PLOD3: variants seen among roughly 807,000 people sequenced by gnomAD.
The protein encoded by PLOD3 is multifunctional procollagen lysine hydroxylase and glycosyltransferase LH3.
A neutral mutation model predicts 96.9 loss-of-function variants in PLOD3; 73 were observed. That is an observed-to-expected ratio of 0.75 (90% confidence interval 0.62 to 0.92). The LOEUF is 0.92. PLOD3 is among the 40% of genes least tolerant of loss of function. The pLI is 0.00. For missense variants in PLOD3, 1,004 were observed against 1,004.3 expected (o/e 1.00, Z 0.00); for synonymous variants, 454 against 413.7 (o/e 1.10, Z -1.18).
intron 16 of PLOD3, 128 bp from the exon 17 acceptor site, chr7:101,207,852 T>G (rs1265236545): frequency 9.8e-7 from 1 of 1,024,804 alleles, no homozygotes; most frequent in Non-Finnish European, 1.5e-6. Context: ...AACAGTCTTC[T>G]TTGCTACTTC....
At chr7:101,208,316 G>A (rs1489557347) in intron 16 of PLOD3, among the ~76,000 whole-genome samples, 1 of 151,962 alleles carries the variant, frequency 6.6e-6, no homozygotes, top group Non-Finnish European at 1.5e-5. Flanking sequence ...TTCAATCTTG[G>A]CTCACTGCAA....
chr7:101,211,642 T>C lies in PLOD3; in HGVS notation c.1307A>G (p.Glu436Gly), dbSNP rs780270243. Residue 436 changes from glutamate to glycine, a missense_variant, in exon 12 of 19, where the codon GAG becomes GGG. Coordinates refer to ENST00000223127, the MANE Select transcript of PLOD3 (RefSeq NM_001084.5). ...SNFWGALSPDEYYARSEDYVE... is the reference protein window; with the variant it reads ...SNFWGALSPDGYYARSEDYVE... ...GTAGTCCTCGGAGCGGGCGTAGTAC[T>C]CATCGGGGCTCAGGGCGCCCCAGAA... The C allele has an allele frequency of 6.2e-7, 1 of 1,606,878 alleles. No homozygotes were observed. Among genetic ancestry groups the C allele is most frequent in the Non-Finnish European group, 8.5e-7 (1 of 1,177,398 alleles).
At chr7:101,212,814 G>T in intron 8 of PLOD3, 28 bp downstream of exon 8, 1 of 1,582,482 alleles carries the variant, frequency 6.3e-7, no homozygotes, top group South Asian at 1.1e-5. Flanking sequence ...CTGCCCTCTC[G>T]TGCCCCTCCC....
chr7:101,212,904 A>C lies in PLOD3; in HGVS notation c.817T>G (p.Trp273Gly), dbSNP rs1188048097. 10 of 1,613,708 alleles carry C rather than the reference A, an allele frequency of 6.2e-6. No individual in the cohort carries two copies. Among genetic ancestry groups the C allele is most frequent in the Admixed American group, 3.3e-5 (2 of 59,964 alleles). The stretch of plus-strand genomic sequence containing the variant: ...AAGCCACAGCCTCCCTCAGGAGTCC[A>C]GCCATTGGGGACGTAGTTTCCCAGG... ...NYLGNYVPNG[W>G]TPEGGCGFCN... is the part of the protein sequence containing the mutation. The change falls in exon 8 of 19, where the codon TGG becomes GGG. Residue 273 changes from tryptophan (W) to glycine (G), a missense_variant. Around this residue, in one of 5 missense-constraint regions of PLOD3, gnomAD observed 690 missense variants for 650.2 expected, o/e 1.06. Coordinates refer to ENST00000223127, the MANE Select transcript of PLOD3 (RefSeq NM_001084.5).
chr7:101,214,601 G>T (rs1395951564), intron 6 of PLOD3, among the ~76,000 whole-genome samples: 1 of 152,114 alleles, frequency 6.6e-6, no homozygotes, highest in African/African-American at 2.4e-5. Context: ...ACTTTGGGAG[G>T]TTGAGGCAGG....
intron 17 of PLOD3, 135 bp from the exon 18 acceptor site, chr7:101,207,039 G>A (rs539170835): frequency 3.0e-5 from 33 of 1,085,394 alleles, no homozygotes; most frequent in African/African-American, 7.9e-5. Flanking sequence ...ATCTTGGCTC[G>A]ATCTTGGCTC....
chr7:101,207,473 A>T (rs186082235), intron 17 of PLOD3, 105 bp downstream of exon 17: 1 of 1,236,628 alleles, frequency 8.1e-7, no homozygotes, highest in Non-Finnish European at 1.2e-6. Context: ...ACTAAAATGC[A>T]TGGAGCCCAA....
In PLOD3 at chr7:101,206,056, C is replaced by G; in HGVS notation, c.*225G>C. 1 of 621,078 alleles carries G rather than the reference C, an allele frequency of 1.6e-6. No homozygotes were observed. The highest frequency in any genetic ancestry group is 2.9e-6 in the Non-Finnish European group (1 of 349,082). The allele number at this position is 621,078 out of a possible 1,614,324, so 38.5% of individuals were successfully genotyped here. On this transcript the variant is annotated 3_prime_UTR_variant, in exon 19 of 19. Coordinates refer to ENST00000223127, the MANE Select transcript of PLOD3 (RefSeq NM_001084.5). ...TTATCACGCGGGGAGTCCCCAGAAG[C>G]CCTGTGCCCACGAACCCCTGTGGGC...
rs769682899 is a variant in PLOD3, at chr7:101,213,176, G to T, written c.708C>A (p.Asn236Lys). 6.2e-7 allele frequency: 1 copy of T among 1,613,576 alleles called. No homozygotes were observed. The highest frequency in any genetic ancestry group is 1.3e-5 in the African/African-American group (1 of 74,994). ...LDEVVLKFDR[N>K]RVRIRNVAYD... Reference sequence around the variant, plus strand: ...AGGCCACGTTCCGGATACGCACACGGTTCCGATCAAACTTTAAAACCACTT... The same window carrying T: ...AGGCCACGTTCCGGATACGCACACGTTTCCGATCAAACTTTAAAACCACTT... Residue 236 changes from asparagine (N) to lysine (K), a missense_variant, in exon 7 of 19, where the codon AAC becomes AAA. Physicochemically the swap from Asn to Lys is moderately conservative, Grantham distance 94. Transcript: ENST00000223127.
Position 101,212,569 on chromosome 7 carries a change from G to A in PLOD3, c.966C>T (p.Asp322=). ...PRFLQRLLLL[D]YPPDRVTLFL... ...AAAGGGTGACCCTGTCGGGGGGATA[G>A]TCCAGGAGTAGCAGCCGCTGCAGGA... The change falls in exon 9 of 19, where the codon GAC becomes GAT. Residue 322 remains aspartate, a synonymous_variant. Transcript: ENST00000223127. The A allele has an allele frequency of 6.2e-7, 1 of 1,613,890 alleles. No individual in the cohort carries two copies. Among genetic ancestry groups the A allele is most frequent in the Non-Finnish European group, 8.5e-7 (1 of 1,179,896 alleles).
rs913963130 is a variant in PLOD3, at chr7:101,217,066, G to A, written c.109+100C>T. On this transcript the variant is annotated intron_variant, in intron 1 of 18. Transcript: ENST00000223127. The stretch of plus-strand genomic sequence containing the variant: ...TCAAGAGCACGCTGGGCGGGGGACG[G>A]GCCAGACACCTCCTCGAGCCTCCGA... 20 of 1,272,564 alleles carry A rather than the reference G, an allele frequency of 1.6e-5. No individual in the cohort carries two copies. The Admixed American group carries it at 5.1e-4, about 32-fold the overall frequency. 78.8% of individuals were successfully genotyped at this position (1,272,564 alleles called of 1,614,324 possible). A position where few individuals can be genotyped will look rare whatever the true frequency, so the allele number is the denominator to read the frequency against.
intron 6 of PLOD3, among the ~76,000 whole-genome samples, chr7:101,214,373 C>T (rs1453062344): frequency 6.6e-6 from 1 of 152,054 alleles, no homozygotes; most frequent in Non-Finnish European, 1.5e-5. Flanking sequence ...TCAAGTGATC[C>T]TCCTGCCTGG....
chr7:101,206,824 G>T lies in PLOD3; in HGVS notation c.2016C>A (p.Thr672=). 1 of 1,579,268 alleles carries T rather than the reference G, an allele frequency of 6.3e-7. No individual in the cohort carries two copies. Among genetic ancestry groups the T allele is most frequent in the East Asian group, 2.3e-5 (1 of 43,336 alleles). The part of the protein sequence containing the change: ...PSLRPHHDSS[T]FTLNVALNHK... ...GGTTGAGGGCAACGTTGAGGGTGAA[G>T]GTGGATGAGTCGTGGTGTGGCCGCA... The change falls in exon 18 of 19, where the codon ACC becomes ACA. Residue 672 remains threonine (T), a synonymous_variant. Coordinates refer to ENST00000223127, the MANE Select transcript of PLOD3 (RefSeq NM_001084.5).
In PLOD3 at chr7:101,216,795, A is replaced by G; in HGVS notation, c.110-9T>C. On this transcript the variant is annotated splice_polypyrimidine_tract_variant and intron_variant, in intron 1 of 18. Transcript: ENST00000223127. ...GATCACCAGCAGCTTCTCTGTTACCAGAGGGAAATGGCACTTGAGATCCAC... is the reference window on the plus strand; with the variant it reads ...GATCACCAGCAGCTTCTCTGTTACCGGAGGGAAATGGCACTTGAGATCCAC... 2.5e-6 allele frequency: 4 copies of G among 1,603,666 alleles called. No individual in the cohort carries two copies. Among genetic ancestry groups the G allele is most frequent in the East Asian group, 4.5e-5 (2 of 44,754 alleles).
rs1324584071 is a variant in PLOD3 at position 101,216,037 on chromosome 7, G to C, written c.503-17C>G. On this transcript the variant is annotated splice_polypyrimidine_tract_variant and intron_variant, in intron 4 of 18. Transcript: ENST00000223127. ...CGATGAATCCTGGCGGGGAGGGGGA[G>C]TGTTGACCTCGAGACTCCCAGGGTC... 6.2e-7 allele frequency: 1 copy of C among 1,611,066 alleles called. No individual in the cohort carries two copies. Among genetic ancestry groups the C allele is most frequent in the Non-Finnish European group, 8.5e-7 (1 of 1,177,226 alleles).
At position 101,217,084 on chromosome 7, in the gene PLOD3, G is replaced by A. The variant is rs923650351; in HGVS notation, c.109+82C>T. 4.3e-6 allele frequency: 6 copies of A among 1,387,762 alleles called. No individual in the cohort carries two copies. In the African/African-American group the frequency reaches 8.7e-5, roughly 20 times the overall value. 86.0% of individuals were successfully genotyped at this position (1,387,762 alleles called of 1,614,324 possible). Reference sequence around the variant, plus strand: ...GGGGACGGGCCAGACACCTCCTCGAGCCTCCGACCCTCTCCGGGCCAGGCT... The same window carrying A: ...GGGGACGGGCCAGACACCTCCTCGAACCTCCGACCCTCTCCGGGCCAGGCT... On this transcript the variant is annotated intron_variant, in intron 1 of 18. Coordinates refer to ENST00000223127, the MANE Select transcript of PLOD3 (RefSeq NM_001084.5).
chr7:101,206,783 T>C lies in PLOD3; in HGVS notation c.2057A>G (p.Tyr686Cys), dbSNP rs1277145873. ...NVALNHKGLD[Y>C]EGGGCRFLRY... ...GGTAGTGTGACTGGGGCGCACCTCA[T>C]AGTCCAGGCCCTTGTGGTTGAGGGC... is the stretch of plus-strand genomic sequence containing the variant. The change falls in exon 18 of 19, where the codon TAT (tyrosine) becomes TGT (cysteine). Residue 686 changes from tyrosine (Y) to cysteine (C), a missense_variant. This residue lies in a region of PLOD3 where 222 missense variants were observed against 220.4 expected (regional missense o/e 1.01). Coordinates refer to ENST00000223127, the MANE Select transcript of PLOD3 (RefSeq NM_001084.5). 1 of 1,583,168 alleles carries C rather than the reference T, an allele frequency of 6.3e-7. No individual in the cohort carries two copies. Among genetic ancestry groups the C allele is most frequent in the South Asian group, 1.2e-5 (1 of 86,424 alleles).
chr7:101,206,735 G>A, intron 18 of PLOD3, 44 bp downstream of exon 18: 1 of 1,563,772 alleles, frequency 6.4e-7, no homozygotes, highest in Non-Finnish European at 8.7e-7. Context: ...GGGACCCGAG[G>A]GTCCTGAGGT....
chr7:101,211,546 C>A (rs750168260), intron 12 of PLOD3, 45 bp downstream of exon 12: 2 of 1,572,154 alleles, frequency 1.3e-6, no homozygotes, highest in East Asian at 2.3e-5. Context: ...TCTACCTGGG[C>A]CCCGGGTCGG....
Sources: allele counts gnomAD v4.1 joint callset (sites outside exome capture counted in the v4.1 genomes callset), GRCh38; gene constraint gnomAD v4.1.1; regional missense constraint gnomAD v4.1.1; transcripts MANE v1.5; gene names NCBI Gene and HGNC (gene_info 2026-07-23, HGNC 2026-07-21).